ZNF329: variants seen among roughly 807,000 people sequenced by gnomAD.
ZNF329 encodes zinc finger protein 329.
ZNF329 carries 15 observed loss-of-function variants against 26.6 expected under a neutral mutation model. The observed-to-expected ratio is 0.56, with a 90% CI of 0.38 to 0.87. ZNF329 has a LOEUF of 0.87. Among genes scored for constraint, ZNF329 ranks in the 40% least tolerant of loss-of-function variants. ZNF329 has a pLI of 0.00. For synonymous variants in ZNF329, 239 were observed against 233.5 expected (o/e 1.02, Z -0.21); for missense variants, 651 against 651.9 (o/e 1.00, Z 0.02).
At position 58,128,864 on chromosome 19, in the gene ZNF329, G is replaced by T. The variant is rs537915701; in HGVS notation, c.640C>A (p.Arg214=). The change falls in exon 4 of 4, where the codon CGG becomes AGG. Residue 214 remains arginine (R), a synonymous_variant. Transcript: ENST00000598312. The part of the protein sequence containing the change: ...RCTECGKCFK[R]NSSLVLHHRT... ...TGATGCAAAACAAGAGAAGAGTTCC[G>T]TTTGAAGCATTTGCCACATTCAGTA... 1 of 1,613,172 alleles carries T rather than the reference G, an allele frequency of 6.2e-7. No individual in the cohort carries two copies. Among genetic ancestry groups the T allele is most frequent in the Admixed American group, 1.7e-5 (1 of 59,672 alleles).
At chr19:58,139,062 T>C (rs2075129882) in intron 3 of ZNF329, among the ~76,000 whole-genome samples, 1 of 151,920 alleles carries the variant, frequency 6.6e-6, no homozygotes, top group East Asian at 1.9e-4. Context: ...CAAAATATTC[T>C]CTTAGAAATA....
chr19:58,140,414 C>CTT lies in ZNF329; in HGVS notation c.-9+2141_-9+2142dup, dbSNP rs11436059. On this transcript the variant is annotated intron_variant, in intron 3 of 3. Coordinates refer to ENST00000598312, the MANE Select transcript of ZNF329 (RefSeq NM_024620.4). The stretch of plus-strand genomic sequence containing the variant: ...AAAAGCTACAACTATAAAACTCTTT[C>CTT]TTTTTTTTTTTTTTTTGAGACAGAG... 1.3e-3 allele frequency among the ~76,000 whole-genome samples: 184 copies of CTT among 138,434 alleles called. 1 individual carries two copies. Among genetic ancestry groups the CTT allele is most frequent in the Middle Eastern group, 3.6e-3 (1 of 274 alleles). 90.8% of individuals were successfully genotyped at this position (138,434 alleles called of 152,430 possible).
intron 3 of ZNF329, among the ~76,000 whole-genome samples, chr19:58,129,980 A>C (rs1422493398): frequency 6.6e-6 from 1 of 152,212 alleles, no homozygotes; most frequent in Non-Finnish European, 1.5e-5. Context: ...GATAGGACAA[A>C]GCACAGGCTT....
Position 58,128,664 on chromosome 19 carries a change from A to T in ZNF329, c.840T>A (p.Ile280=). 6.2e-7 allele frequency: 1 copy of T among 1,602,478 alleles called. No individual in the cohort carries two copies. The part of the protein sequence containing the change: ...DGSALTQHQR[I]HTGEKPYECL... Reference sequence around the variant, plus strand: ...ATTCATAAGGTTTCTCGCCTGTGTGAATTCTCTGGTGCTGTGTCAGAGCTG... The same window carrying T: ...ATTCATAAGGTTTCTCGCCTGTGTGTATTCTCTGGTGCTGTGTCAGAGCTG... Residue 280 remains isoleucine, a synonymous_variant, in exon 4 of 4, where the codon ATT becomes ATA. Transcript: ENST00000598312.
intron 3 of ZNF329, among the ~76,000 whole-genome samples, chr19:58,130,047 C>G (rs2074902360): frequency 6.6e-6 from 1 of 152,202 alleles, no homozygotes; most frequent in Non-Finnish European, 1.5e-5. Context: ...TGGCGGGGCA[C>G]AGTGGTTCAC....
Position 58,131,111 on chromosome 19 carries a change from A to ATATGTGTGTG in ZNF329, c.-8-1601_-8-1600insCACACACATA, listed in dbSNP as rs1480205883. Among the ~76,000 whole-genome samples, 137 of 147,620 alleles carry ATATGTGTGTG rather than the reference A, an allele frequency of 9.3e-4. 1 individual carries two copies. Among genetic ancestry groups the ATATGTGTGTG allele is most frequent in the African/African-American group, 3.3e-3 (135 of 40,508 alleles). On this transcript the variant is annotated intron_variant, in intron 3 of 3. Coordinates refer to ENST00000598312, the MANE Select transcript of ZNF329 (RefSeq NM_024620.4). ...GCAATTTAAATATATATACATGTAT[A>ATATGTGTGTG]TGTGTATATGTGTGTGTGTGTGTGT...
intron 2 of ZNF329, 143 bp downstream of exon 2, chr19:58,142,962 C>T (rs1451907673): frequency 6.6e-6 from 1 of 152,362 alleles, no homozygotes; most frequent in East Asian, 1.9e-4. Context: ...AGTGAAAGCC[C>T]AGCCACAGCC....
chr19:58,132,426 A>C (rs1568661770), intron 3 of ZNF329: 1 of 152,232 alleles, frequency 6.6e-6, no homozygotes, highest in Non-Finnish European at 1.5e-5. Context: ...ACAGTGGCTC[A>C]CGCCTGTAAT....
At chr19:58,151,470 A>G (rs1323848427), upstream of ZNF329, among the ~76,000 whole-genome samples, 1 of 151,894 alleles carries the variant, frequency 6.6e-6, no homozygotes, top group East Asian at 1.9e-4. Context: ...GCGTGGTGGC[A>G]GGCGCCTGTA....
rs536040929 is a variant in ZNF329 at position 58,141,871 on chromosome 19, C to A, written c.-9+686G>T. Among the ~76,000 whole-genome samples, 6 of 147,942 alleles carry A rather than the reference C, an allele frequency of 4.1e-5. 1 individual carries two copies. In the South Asian group the frequency reaches 1.3e-3, roughly 32 times the overall value. On this transcript the variant is annotated intron_variant, in intron 3 of 3. Transcript: ENST00000598312. ...TCATGCCATTGCACTCCAGCCTGGGCAACAAGAGCGAACCTCCATCTCAAA... is the reference window on the plus strand; with the variant it reads ...TCATGCCATTGCACTCCAGCCTGGGAAACAAGAGCGAACCTCCATCTCAAA...
chr19:58,152,632 T>C (rs1467834657), upstream of ZNF329, among the ~76,000 whole-genome samples: 1 of 151,852 alleles, frequency 6.6e-6, no homozygotes, highest in Non-Finnish European at 1.5e-5. Context: ...CCGAGGCAGG[T>C]GGATCACTTG....
At chr19:58,136,048 T>C (rs901670580) in intron 3 of ZNF329, among the ~76,000 whole-genome samples, 1 of 151,626 alleles carries the variant, frequency 6.6e-6, no homozygotes. Context: ...CTGGCCAATA[T>C]AGTGAAACCC....
At chr19:58,152,123 T>C (rs1365465234), upstream of ZNF329, among the ~76,000 whole-genome samples, 1 of 152,142 alleles carries the variant, frequency 6.6e-6, no homozygotes, top group Non-Finnish European at 1.5e-5. Context: ...GCAAAAGCAA[T>C]AAAGGATCTT....
intron 1 of ZNF329, among the ~76,000 whole-genome samples, chr19:58,149,463 GA>G (rs1391094897): frequency 1.3e-5 from 2 of 152,172 alleles, no homozygotes; most frequent in Non-Finnish European, 2.9e-5. Context: ...CAGGCAGGGA[GA>G]AGATAAAGAT....
chr19:58,145,967 C>A (rs952378074), intron 1 of ZNF329, among the ~76,000 whole-genome samples: 4 of 148,954 alleles, frequency 2.7e-5, no homozygotes, highest in Admixed American at 6.7e-5. Flanking sequence ...ACACAACCAC[C>A]AGCTGGGTCT....
rs71188086 is a variant in ZNF329 at position 58,144,850 on chromosome 19, C to CT, written c.-207-1653dup. 1.4e-3 allele frequency among the ~76,000 whole-genome samples: 163 copies of CT among 120,326 alleles called. No individual in the cohort carries two copies. In the East Asian group the frequency reaches 0.016, roughly 12 times the overall value. The allele number at this position is 120,326 out of a possible 152,430, so 78.9% of individuals were successfully genotyped here. A position where few individuals can be genotyped will look rare whatever the true frequency, so the allele number is the denominator to read the frequency against. On this transcript the variant is annotated intron_variant, in intron 1 of 3. Coordinates refer to ENST00000598312, the MANE Select transcript of ZNF329 (RefSeq NM_024620.4). ...CCATCACACCTGGATAATTTTTTTT[C>CT]TTTTTTTTTTTTTTTTTGATACAGA...
In ZNF329 at chr19:58,128,001, A is replaced by T. The variant is rs1387610947; in HGVS notation, c.1503T>A (p.His501Gln). ...GACCCTCCCTGCTATGGAGTCTCTG[A>T]TGTACTGCCAGGTGAGAGTTCTGCT... Reference protein sequence around the residue: ...SFKQNSHLAVHQRLHSREGPS... With the variant: ...SFKQNSHLAVQQRLHSREGPS... Residue 501 changes from histidine (H) to glutamine (Q), a missense_variant, in exon 4 of 4, where the codon CAT (histidine) becomes CAA (glutamine). Physicochemically the swap from His to Gln is conservative, Grantham distance 24. Transcript: ENST00000598312. 6.2e-7 allele frequency: 1 copy of T among 1,613,946 alleles called. No individual in the cohort carries two copies. Among genetic ancestry groups the T allele is most frequent in the South Asian group, 1.1e-5 (1 of 91,070 alleles).
At chr19:58,137,447 G>A (rs1269560932) in intron 3 of ZNF329, among the ~76,000 whole-genome samples, 12 of 151,930 alleles carry the variant, frequency 7.9e-5, no homozygotes, top group African/African-American at 2.4e-4. Flanking sequence ...CTAGCTACTC[G>A]GGAGGCTGAG....
intron 3 of ZNF329, among the ~76,000 whole-genome samples, chr19:58,136,530 C>T (rs2075069858): frequency 6.6e-6 from 1 of 151,532 alleles, no homozygotes; most frequent in African/African-American, 2.4e-5. Flanking sequence ...AAAAAGTTAG[C>T]TGGGTGTGGT....
Sources: gnomAD v4.1 joint callset for allele counts (sites outside exome capture counted in the v4.1 genomes callset) on GRCh38, gnomAD v4.1.1 for gene constraint, MANE v1.5 for transcripts, NCBI Gene and HGNC (gene_info 2026-07-23, HGNC 2026-07-21) for gene names.